The following MED27 variants were observed in gnomAD, a reference collection of about 807,000 sequenced individuals.
The protein encoded by MED27 is mediator complex subunit 27, also known as mediator of RNA polymerase II transcription subunit 27.
In MED27, 30 loss-of-function variants were observed where a neutral mutation model predicts 38.2. The ratio of observed to expected loss-of-function variants is 0.79; its 90% confidence interval spans 0.59 to 1.07. The LOEUF is 1.07. MED27 is among the 50% of genes least tolerant of loss of function. The pLI is 0.00. For missense variants in MED27, 289 were observed against 397.5 expected (o/e 0.73, Z 2.32); for synonymous variants, 122 against 153.5 (o/e 0.79, Z 1.52).
chr9:132,018,325 G>A (rs1228776466), intron 2 of MED27, among the ~76,000 whole-genome samples: 19 of 152,164 alleles, frequency 1.2e-4, no homozygotes, highest in Admixed American at 1.1e-3. Context: ...GCTTTAATAC[G>A]CTTCAAATTA....
In MED27 at chr9:131,862,465, C is replaced by T. The variant is rs796428835; in HGVS notation, c.801+598G>A. 7.4e-4 allele frequency among the ~76,000 whole-genome samples: 112 copies of T among 152,282 alleles called. 1 individual carries two copies. The highest frequency in any genetic ancestry group is 2.6e-3 in the African/African-American group (109 of 41,554). On this transcript the variant is annotated intron_variant, in intron 7 of 7. Coordinates refer to ENST00000292035, the MANE Select transcript of MED27 (RefSeq NM_004269.4). This position sits in a 1 kb window ranked among gnomAD's most constrained non-coding sequence, Gnocchi z 4.6. ...CCAACTGGTGGCGGCGTGATAAATG[C>T]TGATAAACTGGCCCTGGGGTTCGGG...
chr9:131,884,739 C>G (rs1402234366), intron 5 of MED27, among the ~76,000 whole-genome samples: 1 of 151,426 alleles, frequency 6.6e-6, no homozygotes, highest in East Asian at 1.9e-4. Flanking sequence ...TCCTGAGTGG[C>G]TGGGACTATA....
chr9:131,930,621 T>A lies in MED27; in HGVS notation c.573+8760A>T, dbSNP rs189556089. 4.5e-4 allele frequency among the ~76,000 whole-genome samples: 68 copies of A among 151,792 alleles called. 1 individual carries two copies. Among genetic ancestry groups the A allele is most frequent in the Middle Eastern group, 3.4e-3 (1 of 294 alleles). On this transcript the variant is annotated intron_variant, in intron 4 of 7. Coordinates refer to ENST00000292035, the MANE Select transcript of MED27 (RefSeq NM_004269.4). ...TTCCTATAAGGAATGCTAAAGGGAG[T>A]TCTTCAATCAGAAAGAAAAGGATGT...
chr9:132,015,453 T>C (rs1832580775), intron 2 of MED27, among the ~76,000 whole-genome samples: 2 of 152,234 alleles, frequency 1.3e-5, no homozygotes, highest in African/African-American at 4.8e-5. Flanking sequence ...ACTGCCCAGT[T>C]CTAAACCAAA....
chr9:131,893,625 C>T (rs1342890685), intron 5 of MED27, among the ~76,000 whole-genome samples: 1 of 152,128 alleles, frequency 6.6e-6, no homozygotes, highest in Admixed American at 6.5e-5. Flanking sequence ...TTTAATGAGG[C>T]AACTGGGGTC....
rs190295917 is a variant in MED27 at position 132,058,914 on chromosome 9, C to T, written c.348+18528G>A. On this transcript the variant is annotated intron_variant, in intron 2 of 7. Coordinates refer to ENST00000292035, the MANE Select transcript of MED27 (RefSeq NM_004269.4). ...CAGTGCTTTATCTTTCTTAGTGGTA[C>T]AAAGAATGAAGCGTCTTACACTTTA... Among the ~76,000 whole-genome samples, 6 of 152,298 alleles carry T rather than the reference C, an allele frequency of 3.9e-5. No individual in the cohort carries two copies. The South Asian group carries it at 1.2e-3, about 32-fold the overall frequency.
At chr9:131,929,678 C>T (rs1830545510) in intron 4 of MED27, among the ~76,000 whole-genome samples, 2 of 152,090 alleles carry the variant, frequency 1.3e-5, no homozygotes, top group African/African-American at 4.8e-5. Context: ...GGCTCTTCTG[C>T]CTGTGGAAAG....
chr9:132,063,616 G>A (rs1459964394), intron 2 of MED27, among the ~76,000 whole-genome samples: 1 of 152,184 alleles, frequency 6.6e-6, no homozygotes, highest in African/African-American at 2.4e-5. Flanking sequence ...AAAAACAAGG[G>A]ATAGGGGAAT....
At chr9:131,908,703 C>T (rs1192993548) in intron 4 of MED27, among the ~76,000 whole-genome samples, 1 of 152,100 alleles carries the variant, frequency 6.6e-6, no homozygotes, top group East Asian at 1.9e-4. Context: ...GTCATCACCA[C>T]TCCCTAATCT....
intron 3 of MED27, among the ~76,000 whole-genome samples, chr9:132,012,023 C>T (rs534784062): frequency 9.3e-5 from 14 of 151,280 alleles, no homozygotes; most frequent in African/African-American, 3.4e-4. Flanking sequence ...AGTGTCCTCA[C>T]AATAGCATGT....
chr9:131,884,555 T>A (rs1329952837), intron 5 of MED27, among the ~76,000 whole-genome samples: 1 of 152,096 alleles, frequency 6.6e-6, no homozygotes, highest in South Asian at 2.1e-4. Flanking sequence ...CATTTCCCAG[T>A]TACCTTATCA....
intron 5 of MED27, 45 bp downstream of exon 5, chr9:131,893,839 TG>T: frequency 7.3e-7 from 1 of 1,377,060 alleles, no homozygotes; most frequent in Non-Finnish European, 1.0e-6. Context: ...ACACTTGTTC[TG>T]GGATACAGAA....
At chr9:131,892,331 T>C (rs1264932051) in intron 5 of MED27, among the ~76,000 whole-genome samples, 2 of 152,224 alleles carry the variant, frequency 1.3e-5, no homozygotes, top group East Asian at 1.9e-4. Flanking sequence ...TTACTGAGTA[T>C]TGACTAGATG....
rs1389817300 is a variant in MED27 at position 131,889,265 on chromosome 9, C to T, written c.681+4620G>A. ...CTTTGAAGGTTTCCTTTGATACCAC[C>T]ATTTCTTTTCCTCTCTTATGCTCGG... On this transcript the variant is annotated intron_variant, in intron 5 of 7. Coordinates refer to ENST00000292035, the MANE Select transcript of MED27 (RefSeq NM_004269.4). This position sits in a 1 kb window ranked among gnomAD's most constrained non-coding sequence, Gnocchi z 4.2. 6.6e-6 allele frequency among the ~76,000 whole-genome samples: 1 copy of T among 152,218 alleles called. No individual in the cohort carries two copies. Among genetic ancestry groups the T allele is most frequent in the African/African-American group, 2.4e-5 (1 of 41,460 alleles).
rs1834132527 is a variant in MED27 at position 132,079,720 on chromosome 9, T to C, written c.125A>G (p.Lys42Arg). The C allele has an allele frequency of 6.2e-7, 1 of 1,613,824 alleles. No individual in the cohort carries two copies. The highest frequency in any genetic ancestry group is 1.3e-5 in the African/African-American group (1 of 74,932). ...CTTCTCCCGGCCCTCCAGCGTCTCC[T>C]TGTTCCGCATCCCATCCTTCAGGCA... ...FDCLKDGMRN[K>R]ETLEGREKAF... Residue 42 changes from lysine (K) to arginine (R), a missense_variant, in exon 1 of 8, where the codon AAG becomes AGG. Physicochemically the swap from Lys to Arg is conservative, Grantham distance 26. Coordinates refer to ENST00000292035, the MANE Select transcript of MED27 (RefSeq NM_004269.4).
chr9:131,984,884 T>C (rs1384656464), intron 3 of MED27, among the ~76,000 whole-genome samples: 6 of 152,212 alleles, frequency 3.9e-5, no homozygotes, highest in Non-Finnish European at 8.8e-5. Flanking sequence ...TGCAGCCATT[T>C]ATACCATATG....
intron 3 of MED27, among the ~76,000 whole-genome samples, chr9:131,970,788 A>G (rs1831459732): frequency 6.6e-6 from 1 of 152,270 alleles, no homozygotes; most frequent in Non-Finnish European, 1.5e-5. Context: ...AAGCACAGCA[A>G]GATAAATGGA....
chr9:132,022,354 T>C (rs1237853125), intron 2 of MED27, among the ~76,000 whole-genome samples: 1 of 152,136 alleles, frequency 6.6e-6, no homozygotes, highest in Non-Finnish European at 1.5e-5. Flanking sequence ...AAGACAGAAG[T>C]AACAGGGAAG....
At chr9:131,915,734 T>C (rs1232407995) in intron 4 of MED27, among the ~76,000 whole-genome samples, 1 of 152,208 alleles carries the variant, frequency 6.6e-6, no homozygotes, top group Non-Finnish European at 1.5e-5. Context: ...CTGAATTAAA[T>C]AGGCAATTTT....
Sources: gnomAD v4.1 joint callset for allele counts (sites outside exome capture counted in the v4.1 genomes callset) on GRCh38, gnomAD v4.1.1 for gene constraint, Gnocchi (gnomAD v3.1) non-coding constraint, MANE v1.5 for transcripts, NCBI Gene and HGNC (gene_info 2026-07-23, HGNC 2026-07-21) for gene names.